Variants in LARGE1 observed in about 807,000 individuals in gnomAD.
LARGE1 encodes the protein xylosyl- and glucuronyltransferase LARGE1.
LARGE1 carries 43 observed loss-of-function variants against 87.6 expected under a neutral mutation model. The observed-to-expected ratio is 0.49, with a 90% CI of 0.38 to 0.63. The LOEUF (loss-of-function observed/expected upper bound fraction) is 0.63. Ranked by LOEUF, LARGE1 falls within the 30% of genes least tolerant of loss-of-function variation. The pLI is 0.00. For missense variants in LARGE1, 802 were observed against 1,000.2 expected, an observed-to-expected ratio of 0.80 and a Z score of 2.67; for synonymous variants, 434 against 394.6, an observed-to-expected ratio of 1.10 and a Z score of -1.18.
intron 7 of LARGE1, among the ~76,000 whole-genome samples, chr22:33,398,982 T>A (rs890892299): frequency 4.6e-5 from 7 of 152,160 alleles, no homozygotes; most frequent in African/African-American, 9.7e-5. Flanking sequence ...TCTGCTTTTT[T>A]AAAAAAAATT....
chr22:33,175,193 G>C (rs1922798836), intron 11 of LARGE1, among the ~76,000 whole-genome samples: 1 of 151,706 alleles, frequency 6.6e-6, no homozygotes, highest in South Asian at 2.1e-4. Flanking sequence ...CAAATCAATG[G>C]GCAAAAACTG....
intron 6 of LARGE1, among the ~76,000 whole-genome samples, chr22:33,499,860 G>A (rs766407939): frequency 3.5e-4 from 53 of 152,050 alleles, no homozygotes; most frequent in East Asian, 5.8e-4. Flanking sequence ...TGCAACCTCC[G>A]CCTCCCAGGT....
chr22:33,529,971 T>G (rs1276086656), intron 6 of LARGE1, among the ~76,000 whole-genome samples: 18 of 152,222 alleles, frequency 1.2e-4, no homozygotes, highest in Non-Finnish European at 2.9e-5. Context: ...CTTCCTATCC[T>G]CAGGGAATAA....
At chr22:33,406,247 G>T (rs2066094698) in intron 7 of LARGE1, among the ~76,000 whole-genome samples, 1 of 151,960 alleles carries the variant, frequency 6.6e-6, no homozygotes, top group African/African-American at 2.4e-5. Context: ...GACTTGCCTG[G>T]CCACACCCAT....
intron 2 of LARGE1, among the ~76,000 whole-genome samples, chr22:33,662,709 C>T (rs1347199200): frequency 2.6e-5 from 4 of 152,080 alleles, no homozygotes; most frequent in African/African-American, 4.8e-5. Flanking sequence ...TGAGTAGCTG[C>T]CATCCAGAAT....
intron 11 of LARGE1, among the ~76,000 whole-genome samples, chr22:33,173,174 T>G (rs1165942025): frequency 2.6e-5 from 4 of 152,280 alleles, no homozygotes; most frequent in African/African-American, 7.2e-5. Flanking sequence ...GCAGAAACCC[T>G]ACAAGCCAGA....
chr22:33,884,453 T>C (rs377298040), intron 1 of LARGE1, among the ~76,000 whole-genome samples: 42 of 152,296 alleles, frequency 2.8e-4, no homozygotes, highest in African/African-American at 9.9e-4. Flanking sequence ...GAGGCCCCCA[T>C]ATTGTGCCAG....
At chr22:33,641,167 G>A (rs2080419637) in intron 3 of LARGE1, among the ~76,000 whole-genome samples, 1 of 152,160 alleles carries the variant, frequency 6.6e-6, no homozygotes. Flanking sequence ...ACGGGCGGGT[G>A]CCCCTCTGGG....
intron 4 of LARGE1, among the ~76,000 whole-genome samples, chr22:33,621,853 C>T (rs774122450): frequency 6.6e-6 from 1 of 152,156 alleles, no homozygotes; most frequent in Non-Finnish European, 1.5e-5. Context: ...GGTAAACGCA[C>T]CTGACAGCAA....
chr22:33,515,711 A>G (rs1344199202), intron 6 of LARGE1, among the ~76,000 whole-genome samples: 2 of 152,148 alleles, frequency 1.3e-5, no homozygotes, highest in Non-Finnish European at 2.9e-5. Context: ...TCTGCCCAAA[A>G]GGTGGTGCAT....
chr22:33,915,742 G>C (rs1324479541), intron 1 of LARGE1, among the ~76,000 whole-genome samples: 2 of 152,092 alleles, frequency 1.3e-5, no homozygotes, highest in Admixed American at 1.3e-4. Context: ...AGCAAGAAGC[G>C]GGGGCACAGT....
At chr22:33,831,015 T>C (rs2062948391) in intron 1 of LARGE1, among the ~76,000 whole-genome samples, 1 of 152,184 alleles carries the variant, frequency 6.6e-6, no homozygotes, top group African/African-American at 2.4e-5. Flanking sequence ...GGCACAAACA[T>C]TTGGTCCACA....
intron 6 of LARGE1, among the ~76,000 whole-genome samples, chr22:33,466,707 CACACACAT>C (rs1315730594): frequency 2.0e-5 from 3 of 150,454 alleles, no homozygotes; most frequent in Non-Finnish European, 4.4e-5. Context: ...CACACACACA[CACACACAT>C]ACACACACAC....
At position 33,352,743 on chromosome 22, in the gene LARGE1, C is replaced by T. The variant is rs549267592; in HGVS notation, c.1132-14942G>A. Among the ~76,000 whole-genome samples the T allele has an allele frequency of 3.9e-5, 6 of 152,214 alleles. No homozygotes were observed. The South Asian group carries it at 1.2e-3, about 32-fold the overall frequency. On this transcript the variant is annotated intron_variant, in intron 9 of 14. Transcript: ENST00000397394. ...CACCACTGCACTCCAGCCTGGGCGACAGAGCAAGACTCCATTCCCCGACCC... is the reference window on the plus strand; with the variant it reads ...CACCACTGCACTCCAGCCTGGGCGATAGAGCAAGACTCCATTCCCCGACCC...
chr22:33,136,138 C>T, the LARGE1 span, among the ~76,000 whole-genome samples: 29 of 152,308 alleles, frequency 1.9e-4, no homozygotes, highest in Middle Eastern at 3.4e-3. Flanking sequence ...GTGGTTTGCT[C>T]TCTTTATAAA....
At chr22:33,577,351 A>G (rs936811377) in intron 5 of LARGE1, among the ~76,000 whole-genome samples, 1 of 152,232 alleles carries the variant, frequency 6.6e-6, no homozygotes, top group Middle Eastern at 3.2e-3. Flanking sequence ...CACAAAACAG[A>G]GAAGTATGCA....
intron 6 of LARGE1, among the ~76,000 whole-genome samples, chr22:33,486,636 G>C (rs529036125): frequency 6.6e-6 from 1 of 152,256 alleles, no homozygotes; most frequent in Non-Finnish European, 1.5e-5. Flanking sequence ...GCACCAAAAG[G>C]CAGGGGAGTT....
At chr22:33,418,095 GTGCCACCA>G (rs2066565581) in intron 7 of LARGE1, among the ~76,000 whole-genome samples, 2 of 152,136 alleles carry the variant, frequency 1.3e-5, no homozygotes, top group Non-Finnish European at 2.9e-5. Flanking sequence ...CTACAGGCAT[GTGCCACCA>G]TGCCTGGCTA....
chr22:33,918,856 C>T (rs2065860890), intron 1 of LARGE1, among the ~76,000 whole-genome samples: 1 of 152,086 alleles, frequency 6.6e-6, no homozygotes, highest in Admixed American at 6.5e-5. Context: ...GGCGGACGCC[C>T]CCACCTGCCA....
Sources: allele counts gnomAD v4.1 joint callset (sites outside exome capture counted in the v4.1 genomes callset), GRCh38; gene constraint gnomAD v4.1.1; transcripts MANE v1.5; gene names NCBI Gene and HGNC (gene_info 2026-07-23, HGNC 2026-07-21).